PXDNL: variants seen among roughly 807,000 people sequenced by gnomAD.
PXDNL encodes the protein probable oxidoreductase PXDNL.
PXDNL carries 145 observed loss-of-function variants against 150.8 expected under a neutral mutation model. The ratio of observed to expected loss-of-function variants is 0.96; its 90% CI spans 0.84 to 1.10. The LOEUF (loss-of-function observed/expected upper bound fraction) is 1.10, where lower values mean the gene tolerates loss of function less well. Among genes scored for constraint, PXDNL ranks in the 50% least tolerant of loss-of-function variants. PXDNL has a pLI of 0.00. For missense variants in PXDNL, 2,087 were observed against 1,873.9 expected (o/e 1.11, Z -2.10); for synonymous variants, 757 against 725.7 (o/e 1.04, Z -0.69).
chr8:51,791,307 G>A (rs2037511348), intron 1 of PXDNL, among the ~76,000 whole-genome samples: 2 of 152,338 alleles, frequency 1.3e-5, no homozygotes, highest in South Asian at 4.1e-4. Flanking sequence ...TGACTTCCAT[G>A]GGCTTTATTC....
intron 2 of PXDNL, among the ~76,000 whole-genome samples, chr8:51,613,825 C>T (rs996379257): frequency 2.0e-5 from 3 of 152,172 alleles, no homozygotes; most frequent in African/African-American, 2.4e-5. Flanking sequence ...TGGTTGAATA[C>T]GCATTGCTTA....
intron 1 of PXDNL, among the ~76,000 whole-genome samples, chr8:51,715,908 TA>T (rs373071589): frequency 0.025 from 3,697 of 147,744 alleles, 149 homozygotes; most frequent in African/African-American, 0.085. Flanking sequence ...AACAGAAGTT[TA>T]AAAAAAAAAA....
intron 1 of PXDNL, among the ~76,000 whole-genome samples, chr8:51,799,373 A>G (rs2037595533): frequency 6.6e-6 from 1 of 152,228 alleles, no homozygotes. Context: ...AGTCCTGCAC[A>G]TGTATCCTGG....
chr8:51,354,028 C>T (rs1806430568), intron 19 of PXDNL, among the ~76,000 whole-genome samples: 1 of 152,068 alleles, frequency 6.6e-6, no homozygotes, highest in African/African-American at 2.4e-5. Context: ...TGCACTGAAA[C>T]TTCAGGCACA....
intron 3 of PXDNL, among the ~76,000 whole-genome samples, chr8:51,561,843 T>A (rs575679963): frequency 6.6e-6 from 1 of 152,108 alleles, no homozygotes; most frequent in African/African-American, 2.4e-5. Context: ...TTTAGAAATG[T>A]TTAAGATGGT....
At chr8:51,387,438 T>C (rs1807751940) in intron 17 of PXDNL, among the ~76,000 whole-genome samples, 1 of 152,186 alleles carries the variant, frequency 6.6e-6, no homozygotes, top group Non-Finnish European at 1.5e-5. Context: ...GAGAGCCATG[T>C]CTAGAAGAAG....
At chr8:51,553,740 T>TTATACATA (rs1271641434) in intron 4 of PXDNL, among the ~76,000 whole-genome samples, 1 of 112,948 alleles carries the variant, frequency 8.9e-6, no homozygotes, top group Non-Finnish European at 1.7e-5. Context: ...GTGAGGGATT[T>TTATACATA]TATATATATA....
chr8:51,641,773 G>T (rs1376168819), intron 2 of PXDNL, among the ~76,000 whole-genome samples: 1 of 151,926 alleles, frequency 6.6e-6, no homozygotes, highest in African/African-American at 2.4e-5. Context: ...GTAAACTAGT[G>T]CAACCATTGT....
In PXDNL at chr8:51,457,677, T is replaced by C. The variant is rs1049867595; in HGVS notation, c.813-10A>G. 4 of 1,605,874 alleles carry C rather than the reference T, an allele frequency of 2.5e-6. No homozygotes were observed. The highest frequency in any genetic ancestry group is 2.7e-5 in the African/African-American group (2 of 74,800). ...CAAATCCAATGAGTGGCTGGAAATA[T>C]AGGTTATACATGTATATTATTTAAT... On this transcript the variant is annotated splice_polypyrimidine_tract_variant and intron_variant, in intron 8 of 22. Coordinates refer to ENST00000356297, the MANE Select transcript of PXDNL (RefSeq NM_144651.5).
chr8:51,334,816 G>A (rs1167091498), intron 21 of PXDNL, among the ~76,000 whole-genome samples: 1 of 152,136 alleles, frequency 6.6e-6, no homozygotes. Context: ...TCTAATATGA[G>A]CTTATTAGGT....
In PXDNL at chr8:51,680,808, CA is replaced by C. The variant is rs570649181; in HGVS notation, c.165-26049del. 1.1e-3 allele frequency among the ~76,000 whole-genome samples: 163 copies of C among 152,212 alleles called. 1 individual carries two copies. Among genetic ancestry groups the C allele is most frequent in the African/African-American group, 3.7e-3 (155 of 41,526 alleles). ...TTTTCTTGTCAAATTGTTTCTGTCT[CA>C]TAGGACTGTTGTGAAGATATGTGAT... is the stretch of plus-strand genomic sequence containing the variant. On this transcript the variant is annotated intron_variant, in intron 1 of 22. Transcript: ENST00000356297.
rs962965318 is a variant in PXDNL, at chr8:51,319,989, G to A, written c.4294C>T (p.Pro1432Ser). The A allele has an allele frequency of 1.3e-6, 2 of 1,569,184 alleles. No homozygotes were observed. The highest frequency in any genetic ancestry group is 3.7e-5 in the Admixed American group (2 of 53,482). ...GQVTCVVEIC[P>S]PAPCPSPELV... Reference sequence around the variant, plus strand: ...TCAGGACTGGGACAGGGAGCCGGGGGACAAATCTCCACCACACAGGTGACC... The same window carrying A: ...TCAGGACTGGGACAGGGAGCCGGGGAACAAATCTCCACCACACAGGTGACC... Residue 1432 changes from proline to serine, a missense_variant, in exon 23 of 23, where the codon CCC becomes TCC. Transcript: ENST00000356297.
chr8:51,758,176 A>G (rs993881056), intron 1 of PXDNL, among the ~76,000 whole-genome samples: 6 of 152,204 alleles, frequency 3.9e-5, no homozygotes, highest in African/African-American at 1.4e-4. Context: ...AGCTATTTGT[A>G]ATTAAACTTT....
intron 21 of PXDNL, among the ~76,000 whole-genome samples, chr8:51,321,949 C>T (rs564600288): frequency 1.4e-4 from 18 of 129,900 alleles, no homozygotes; most frequent in South Asian, 1.1e-3. Flanking sequence ...CATAGGGCCT[C>T]GAAGGATGTA....
chr8:51,342,468 T>C (rs1806016768), intron 20 of PXDNL, among the ~76,000 whole-genome samples: 1 of 151,800 alleles, frequency 6.6e-6, no homozygotes, highest in Non-Finnish European at 1.5e-5. Flanking sequence ...TCAGGAAAAA[T>C]GGTTCTTTCA....
intron 1 of PXDNL, among the ~76,000 whole-genome samples, chr8:51,682,147 G>C (rs976916936): frequency 2.0e-5 from 3 of 152,014 alleles, no homozygotes; most frequent in African/African-American, 7.2e-5. Flanking sequence ...ATTATATCTT[G>C]AACATTACAA....
intron 7 of PXDNL, among the ~76,000 whole-genome samples, chr8:51,474,255 C>T (rs976992411): frequency 1.3e-5 from 2 of 151,934 alleles, no homozygotes; most frequent in African/African-American, 4.8e-5. Context: ...CACACACACA[C>T]GAAGGTATTC....
intron 1 of PXDNL, among the ~76,000 whole-genome samples, chr8:51,737,764 C>A (rs1817068221): frequency 7.0e-6 from 1 of 142,982 alleles, no homozygotes; most frequent in Non-Finnish European, 1.5e-5. Flanking sequence ...AGACCCCCCC[C>A]ACCACTCCTT....
At chr8:51,638,834 C>G (rs1163499315) in intron 2 of PXDNL, among the ~76,000 whole-genome samples, 6 of 152,130 alleles carry the variant, frequency 3.9e-5, no homozygotes, top group Admixed American at 3.9e-4. Context: ...TTGAACTCAG[C>G]TCTGAACCAA....
Sources: gnomAD v4.1 joint callset for allele counts (sites outside exome capture counted in the v4.1 genomes callset) on GRCh38, gnomAD v4.1.1 for gene constraint, MANE v1.5 for transcripts, NCBI Gene and HGNC (gene_info 2026-07-23, HGNC 2026-07-21) for gene names.